The following SCHIP1 variants were observed in gnomAD, a reference collection of about 807,000 sequenced individuals.
SCHIP1 encodes the protein schwannomin interacting protein 1.
Under a neutral mutation model 29.7 loss-of-function variants are expected in SCHIP1, and 8 were observed. That is an observed-to-expected ratio of 0.27 (90% confidence interval 0.16 to 0.49). SCHIP1 has a LOEUF of 0.49. SCHIP1 is among the 20% of genes least tolerant of loss of function. The pLI is 0.99. For missense variants in SCHIP1, 193 were observed against 294.6 expected, an observed-to-expected ratio of 0.66 and a Z score of 2.52; for synonymous variants, 76 against 94.9, an observed-to-expected ratio of 0.80 and a Z score of 1.16.
chr3:159,326,787 G>T, the SCHIP1 span, among the ~76,000 whole-genome samples: 12 of 152,120 alleles, frequency 7.9e-5, no homozygotes, highest in Non-Finnish European at 1.6e-4. Flanking sequence ...GGATAGATTT[G>T]CACTGGGTAC....
chr3:159,704,386 G>A, the SCHIP1 span, among the ~76,000 whole-genome samples: 6 of 122,198 alleles, frequency 4.9e-5, no homozygotes, highest in African/African-American at 1.9e-4. Context: ...AGTGAGCCAA[G>A]ATGGTGCCAT....
chr3:159,686,433 G>A, the SCHIP1 span, among the ~76,000 whole-genome samples: 4 of 152,102 alleles, frequency 2.6e-5, no homozygotes, highest in Admixed American at 6.6e-5. Context: ...CAAGTGCTAC[G>A]AGTAACACAG....
the SCHIP1 span, chr3:159,764,499 CA>C: frequency 6.3e-7 from 1 of 1,587,334 alleles, no homozygotes; most frequent in Non-Finnish European, 8.6e-7. The surrounding 1 kb of genome is among the most constrained non-coding windows in gnomAD (Gnocchi z 6.1). Flanking sequence ...GCAGCAGCAG[CA>C]GCCGCGCCAG....
the SCHIP1 span, among the ~76,000 whole-genome samples, chr3:159,458,564 CT>C: frequency 0.014 from 1,967 of 143,662 alleles, 29 homozygotes; most frequent in African/African-American, 0.036. Context: ...ACTGACTTTT[CT>C]TTTTTTTTTT....
chr3:159,287,891 A>T, the SCHIP1 span, among the ~76,000 whole-genome samples: 1 of 152,208 alleles, frequency 6.6e-6, no homozygotes, highest in Non-Finnish European at 1.5e-5. Context: ...AAGTAAATGA[A>T]AATATTAAAT....
chr3:159,735,231 C>CT, the SCHIP1 span, among the ~76,000 whole-genome samples: 9,477 of 144,124 alleles, frequency 0.066, 562 homozygotes, highest in African/African-American at 0.16. Flanking sequence ...CCAATTGCTA[C>CT]TTTTTTTTTT....
At chr3:159,539,811 A>T in the SCHIP1 span, among the ~76,000 whole-genome samples, 2 of 140,008 alleles carry the variant, frequency 1.4e-5, no homozygotes, top group African/African-American at 5.0e-5. Flanking sequence ...CTTATACTGC[A>T]CCAGATAGGA....
At chr3:159,572,670 C>T in the SCHIP1 span, among the ~76,000 whole-genome samples, 2 of 152,098 alleles carry the variant, frequency 1.3e-5, no homozygotes, top group Non-Finnish European at 2.9e-5. Flanking sequence ...CCTGGATATC[C>T]GTGTTAACCT....
chr3:159,778,476 A>G, the SCHIP1 span, among the ~76,000 whole-genome samples: 1 of 152,298 alleles, frequency 6.6e-6, no homozygotes, highest in African/African-American at 2.4e-5. Flanking sequence ...AGAAATGAAC[A>G]TTTACCCAAT....
the SCHIP1 span, among the ~76,000 whole-genome samples, chr3:159,653,749 T>TAAAAAAAA: frequency 9.2e-6 from 1 of 108,866 alleles, no homozygotes. Context: ...GAACTTAAAG[T>TAAAAAAAA]AAAAAAAAAA....
At chr3:159,353,004 C>T in the SCHIP1 span, among the ~76,000 whole-genome samples, 33 of 152,014 alleles carry the variant, frequency 2.2e-4, no homozygotes, top group Non-Finnish European at 1.3e-4. Flanking sequence ...ATAGAATAAA[C>T]GGTTAAGGGG....
chr3:159,454,819 G>A, the SCHIP1 span, among the ~76,000 whole-genome samples: 1 of 152,184 alleles, frequency 6.6e-6, no homozygotes, highest in African/African-American at 2.4e-5. Flanking sequence ...AGGCTTAAGA[G>A]CAGAGGACAG....
chr3:159,887,471 G>A, intron 3 of SCHIP1: 1 of 470,438 alleles, frequency 2.1e-6, no homozygotes, highest in Non-Finnish European at 3.8e-6. Context: ...TTTCAAGGTT[G>A]TTGTAAATAT....
chr3:159,666,817 T>C, the SCHIP1 span, among the ~76,000 whole-genome samples: 7 of 152,192 alleles, frequency 4.6e-5, no homozygotes, highest in African/African-American at 1.7e-4. Context: ...CAGAGAGCAA[T>C]GGTGAGACTG....
At chr3:159,314,768 A>C in the SCHIP1 span, among the ~76,000 whole-genome samples, 1 of 152,272 alleles carries the variant, frequency 6.6e-6, no homozygotes, top group South Asian at 2.1e-4. Context: ...AGCAATAGTA[A>C]ATTTCTTTAT....
the SCHIP1 span, among the ~76,000 whole-genome samples, chr3:159,465,433 AG>A: frequency 6.6e-6 from 1 of 151,858 alleles, no homozygotes; most frequent in Non-Finnish European, 1.5e-5. Context: ...TTGAGATGAA[AG>A]CGTTTTAACA....
chr3:159,776,781 A>C, the SCHIP1 span, among the ~76,000 whole-genome samples: 1 of 152,232 alleles, frequency 6.6e-6, no homozygotes, highest in African/African-American at 2.4e-5. Context: ...ATAGAGTTCC[A>C]GTGTGCTGAA....
chr3:159,846,786 T>C (rs1711901153), intron 1 of SCHIP1, among the ~76,000 whole-genome samples: 1 of 152,212 alleles, frequency 6.6e-6, no homozygotes, highest in African/African-American at 2.4e-5. Context: ...AGTATAATTA[T>C]TGTCTGCCTT....
the SCHIP1 span, among the ~76,000 whole-genome samples, chr3:159,636,920 G>T: frequency 4.2e-3 from 634 of 152,304 alleles, 2 homozygotes; most frequent in African/African-American, 0.014. Context: ...TACTTTATTA[G>T]TTGTAGTTTG....
Sources: gnomAD v4.1 joint callset for allele counts (sites outside exome capture counted in the v4.1 genomes callset) on GRCh38, gnomAD v4.1.1 for gene constraint, Gnocchi (gnomAD v3.1) non-coding constraint, MANE v1.5 for transcripts, NCBI Gene and HGNC (gene_info 2026-07-23, HGNC 2026-07-21) for gene names.